CPA6: variants seen among roughly 807,000 people sequenced by gnomAD.
CPA6 encodes carboxypeptidase A6, also known as carboxypeptidase B.
A neutral mutation model predicts 63.3 loss-of-function variants in CPA6; 58 were observed. That is an observed-to-expected ratio of 0.92 (90% CI 0.74 to 1.14). The LOEUF is 1.14. Among genes scored for constraint, CPA6 ranks in the 50% most tolerant of loss-of-function variants. CPA6 has a pLI of 0.00. For synonymous variants in CPA6, 185 were observed against 179.0 expected, an observed-to-expected ratio of 1.03 and a Z score of -0.27; for missense variants, 565 against 526.6, an observed-to-expected ratio of 1.07 and a Z score of -0.71.
intron 10 of CPA6, among the ~76,000 whole-genome samples, chr8:67,423,055 G>A (rs1809803324): frequency 6.6e-6 from 1 of 151,960 alleles, no homozygotes; most frequent in African/African-American, 2.4e-5. Context: ...CTCCACTTCA[G>A]TGTCTAGAAT....
chr8:67,448,192 T>C (rs1266829656), intron 8 of CPA6, among the ~76,000 whole-genome samples: 1 of 152,264 alleles, frequency 6.6e-6, no homozygotes. Context: ...GAGCTATTAA[T>C]CTTTTCCTTA....
chr8:67,552,891 T>C (rs770057145), intron 2 of CPA6, among the ~76,000 whole-genome samples: 3 of 151,908 alleles, frequency 2.0e-5, no homozygotes, highest in Non-Finnish European at 2.9e-5. Context: ...ATAAGTTCCA[T>C]TTGTACAGTT....
At chr8:67,472,560 G>A (rs1354913353) in intron 8 of CPA6, among the ~76,000 whole-genome samples, 1 of 151,892 alleles carries the variant, frequency 6.6e-6, no homozygotes, top group African/African-American at 2.4e-5. Flanking sequence ...CGAGTAGCTG[G>A]GACTACAGGC....
intron 8 of CPA6, among the ~76,000 whole-genome samples, chr8:67,483,127 T>C (rs1012400823): frequency 6.6e-6 from 1 of 152,214 alleles, no homozygotes; most frequent in South Asian, 2.1e-4. Context: ...ATTTTGATAA[T>C]AATTTTCCAT....
chr8:67,631,491 C>T (rs1243819193), intron 1 of CPA6, among the ~76,000 whole-genome samples: 1 of 152,194 alleles, frequency 6.6e-6, no homozygotes, highest in Non-Finnish European at 1.5e-5. Context: ...ACTTTCGTGT[C>T]TAGCTCAAGG....
intron 8 of CPA6, among the ~76,000 whole-genome samples, chr8:67,447,057 TATATATACACAC>T (rs1399217783): frequency 4.8e-4 from 70 of 147,022 alleles, no homozygotes; most frequent in African/African-American, 1.8e-3. Context: ...TACACACACA[TATATATACACAC>T]ATATATACAC....
chr8:67,506,937 T>A, intron 5 of CPA6, 49 bp from the exon 6 acceptor site: 1 of 1,256,406 alleles, frequency 8.0e-7, no homozygotes, highest in Non-Finnish European at 1.2e-6. Flanking sequence ...TTAGATTCAC[T>A]GACCAGCATA....
chr8:67,543,483 A>C (rs963847538), intron 2 of CPA6, among the ~76,000 whole-genome samples: 1 of 152,218 alleles, frequency 6.6e-6, no homozygotes, highest in Non-Finnish European at 1.5e-5. Context: ...TGACAAATAC[A>C]CAGTTAAAGA....
At chr8:67,487,387 C>CT (rs1811503202) in intron 6 of CPA6, among the ~76,000 whole-genome samples, 1 of 152,078 alleles carries the variant, frequency 6.6e-6, no homozygotes, top group South Asian at 2.1e-4. Flanking sequence ...TGAACTCATC[C>CT]TTTTTTATGG....
intron 1 of CPA6, among the ~76,000 whole-genome samples, chr8:67,740,117 C>G (rs758720085): frequency 6.6e-6 from 1 of 152,190 alleles, no homozygotes; most frequent in Non-Finnish European, 1.5e-5. Flanking sequence ...CAACAATTTA[C>G]CATCAAATCA....
At chr8:67,454,801 CTTTTTAGT>C (rs1234754524) in intron 8 of CPA6, among the ~76,000 whole-genome samples, 3 of 152,178 alleles carry the variant, frequency 2.0e-5, no homozygotes, top group Non-Finnish European at 4.4e-5. Context: ...CATACATCAC[CTTTTTAGT>C]TTTTAAGTAT....
chr8:67,552,774 CA>C (rs762395117), intron 2 of CPA6, among the ~76,000 whole-genome samples: 876 of 20,846 alleles, frequency 0.042, no homozygotes, highest in Middle Eastern at 0.083. Flanking sequence ...AAGACTGTCT[CA>C]AAAAAAAAAA....
At chr8:67,432,475 G>T (rs1421927894) in intron 9 of CPA6, among the ~76,000 whole-genome samples, 1 of 151,972 alleles carries the variant, frequency 6.6e-6, no homozygotes, top group Non-Finnish European at 1.5e-5. Flanking sequence ...TTGATTGATT[G>T]TTAAGACAGG....
chr8:67,436,509 G>A (rs1367331103), intron 8 of CPA6, among the ~76,000 whole-genome samples: 1 of 151,778 alleles, frequency 6.6e-6, no homozygotes, highest in Admixed American at 6.6e-5. Context: ...GATATAGCAA[G>A]AACATAAAGG....
chr8:67,563,711 C>T (rs1397520238), intron 2 of CPA6, among the ~76,000 whole-genome samples: 3 of 152,144 alleles, frequency 2.0e-5, no homozygotes, highest in Non-Finnish European at 4.4e-5. Flanking sequence ...ACTCCTTTCC[C>T]CTAGGAAGGC....
At chr8:67,708,630 C>T (rs1817190736) in intron 1 of CPA6, among the ~76,000 whole-genome samples, 1 of 152,156 alleles carries the variant, frequency 6.6e-6, no homozygotes, top group Non-Finnish European at 1.5e-5. Flanking sequence ...TGAAATCTTG[C>T]CTGTGTCTCC....
intron 2 of CPA6, among the ~76,000 whole-genome samples, chr8:67,551,326 G>A (rs1406298371): frequency 6.6e-6 from 1 of 152,074 alleles, no homozygotes; most frequent in Non-Finnish European, 1.5e-5. Flanking sequence ...AAAATGAGAT[G>A]GCTGTATGTG....
intron 6 of CPA6, among the ~76,000 whole-genome samples, chr8:67,492,128 G>A (rs991364127): frequency 2.0e-5 from 3 of 152,148 alleles, no homozygotes; most frequent in African/African-American, 7.2e-5. Flanking sequence ...TATAAATGGA[G>A]CTTAGAACAA....
chr8:67,648,126 G>A (rs1038939273), intron 1 of CPA6, among the ~76,000 whole-genome samples: 1 of 152,128 alleles, frequency 6.6e-6, no homozygotes, highest in Non-Finnish European at 1.5e-5. Context: ...GGAAGTTAGG[G>A]CTGGAGATAT....
Sources: gnomAD v4.1 joint callset for allele counts (sites outside exome capture counted in the v4.1 genomes callset) on GRCh38, gnomAD v4.1.1 for gene constraint, MANE v1.5 for transcripts, NCBI Gene and HGNC (gene_info 2026-07-23, HGNC 2026-07-21) for gene names.